NKAIN2: variants seen among roughly 807,000 people sequenced by gnomAD.
NKAIN2 encodes the protein sodium/potassium-transporting ATPase subunit beta-1-interacting protein 2.
In NKAIN2, 14 loss-of-function variants were observed where a neutral mutation model predicts 32.6. The observed-to-expected ratio is 0.43, with a 90% CI of 0.28 to 0.67. The LOEUF is 0.67. NKAIN2 is among the 30% of genes least tolerant of loss of function. The pLI, the probability that NKAIN2 is intolerant of heterozygous loss-of-function variation, is 0.17. For missense variants in NKAIN2, 198 were observed against 258.3 expected, an observed-to-expected ratio of 0.77 and a Z score of 1.60; for synonymous variants, 80 against 87.2, an observed-to-expected ratio of 0.92 and a Z score of 0.46.
intron 1 of NKAIN2, among the ~76,000 whole-genome samples, chr6:124,257,102 T>G (rs1252249260): frequency 6.6e-6 from 1 of 152,022 alleles, no homozygotes; most frequent in African/African-American, 2.4e-5. Flanking sequence ...TTTCTACACC[T>G]CTAATCAGAC....
chr6:123,969,627 A>C (rs1778248442), intron 1 of NKAIN2, among the ~76,000 whole-genome samples: 1 of 152,206 alleles, frequency 6.6e-6, no homozygotes, highest in Non-Finnish European at 1.5e-5. Context: ...GGAATGGAGA[A>C]GAGAGTTGCA....
At chr6:124,679,317 C>T (rs896941233) in intron 4 of NKAIN2, among the ~76,000 whole-genome samples, 34 of 151,966 alleles carry the variant, frequency 2.2e-4, no homozygotes, top group Non-Finnish European at 3.1e-4. Context: ...TTTTCAGTGA[C>T]GCTCAAATTG....
At chr6:124,456,991 A>G (rs941464574) in intron 3 of NKAIN2, among the ~76,000 whole-genome samples, 1 of 151,800 alleles carries the variant, frequency 6.6e-6, no homozygotes, top group African/African-American at 2.4e-5. Context: ...AAGCGTTTAG[A>G]AAGGTTCTTG....
intron 3 of NKAIN2, among the ~76,000 whole-genome samples, chr6:124,444,286 T>A (rs984672444): frequency 1.2e-4 from 19 of 152,016 alleles, no homozygotes; most frequent in Admixed American, 6.6e-5. Flanking sequence ...CCCTTACAAC[T>A]TCAAAAAAAT....
At chr6:124,120,831 A>T (rs1466698463) in intron 1 of NKAIN2, among the ~76,000 whole-genome samples, 1 of 152,154 alleles carries the variant, frequency 6.6e-6, no homozygotes, top group Non-Finnish European at 1.5e-5. Flanking sequence ...TGGCTGGCTA[A>T]TTCAGTAGAT....
At chr6:124,013,822 G>A (rs1479175510) in intron 1 of NKAIN2, among the ~76,000 whole-genome samples, 1 of 152,196 alleles carries the variant, frequency 6.6e-6, no homozygotes, top group East Asian at 1.9e-4. Flanking sequence ...TTAGAGAGAT[G>A]TGGCCTTTCT....
intron 1 of NKAIN2, among the ~76,000 whole-genome samples, chr6:124,044,090 T>C (rs1428256216): frequency 1.3e-5 from 2 of 152,038 alleles, no homozygotes; most frequent in Admixed American, 1.3e-4. Context: ...CTTTTTCAGC[T>C]ACTGTAAACT....
intron 1 of NKAIN2, among the ~76,000 whole-genome samples, chr6:123,806,475 C>A (rs138096353): frequency 2.0e-5 from 3 of 151,936 alleles, no homozygotes; most frequent in African/African-American, 7.2e-5. Context: ...TTTGGAAATA[C>A]GGTATTTGAT....
chr6:124,534,159 G>A (rs1274653718), intron 3 of NKAIN2, among the ~76,000 whole-genome samples: 3 of 151,368 alleles, frequency 2.0e-5, no homozygotes, highest in African/African-American at 7.3e-5. Flanking sequence ...TCCTTTTTTG[G>A]GGGGCATTGG....
chr6:124,037,251 A>G (rs1781644661), intron 1 of NKAIN2, among the ~76,000 whole-genome samples: 1 of 152,154 alleles, frequency 6.6e-6, no homozygotes, highest in African/African-American at 2.4e-5. Context: ...TAAAATTTAG[A>G]AGATTTGGAA....
intron 3 of NKAIN2, among the ~76,000 whole-genome samples, chr6:124,549,672 T>G (rs980740811): frequency 6.6e-6 from 1 of 152,226 alleles, no homozygotes; most frequent in Non-Finnish European, 1.5e-5. Flanking sequence ...AGGTTTTCAG[T>G]CTTTCCTTGC....
chr6:124,799,761 G>T (rs1780171049), intron 5 of NKAIN2, among the ~76,000 whole-genome samples: 1 of 152,176 alleles, frequency 6.6e-6, no homozygotes, highest in Admixed American at 6.5e-5. Flanking sequence ...TAATAAGAAA[G>T]AAACCATGTG....
intron 1 of NKAIN2, among the ~76,000 whole-genome samples, chr6:124,097,738 G>A (rs367545389): frequency 4.0e-4 from 61 of 152,286 alleles, no homozygotes; most frequent in African/African-American, 1.4e-3. Flanking sequence ...TAAATTGGCT[G>A]TTATGAATTT....
intron 2 of NKAIN2, among the ~76,000 whole-genome samples, chr6:124,309,182 C>T (rs1796622340): frequency 6.6e-6 from 1 of 152,136 alleles, no homozygotes. Flanking sequence ...ATTTGGGAGT[C>T]CTCAAATCCA....
At chr6:124,288,920 A>G (rs1795681186) in intron 2 of NKAIN2, among the ~76,000 whole-genome samples, 1 of 152,140 alleles carries the variant, frequency 6.6e-6, no homozygotes. Context: ...TTAGACTACA[A>G]TAACTAATTC....
intron 4 of NKAIN2, among the ~76,000 whole-genome samples, chr6:124,665,643 T>C (rs1583609376): frequency 1.3e-5 from 2 of 152,288 alleles, no homozygotes; most frequent in South Asian, 2.1e-4. Context: ...TCATCAGAAA[T>C]ATTAGTGCCT....
intron 2 of NKAIN2, among the ~76,000 whole-genome samples, chr6:124,316,599 G>A (rs867348145): frequency 6.6e-6 from 1 of 152,146 alleles, no homozygotes; most frequent in African/African-American, 2.4e-5. Context: ...AAGTTGAAAA[G>A]AGGGACATTG....
At chr6:124,724,944 C>G (rs78727143) in intron 4 of NKAIN2, among the ~76,000 whole-genome samples, 1 of 152,180 alleles carries the variant, frequency 6.6e-6, no homozygotes, top group Admixed American at 6.5e-5. Flanking sequence ...CTTTTAATCA[C>G]TATTTTATCC....
intron 6 of NKAIN2, among the ~76,000 whole-genome samples, chr6:124,818,801 T>C (rs1280959361): frequency 1.3e-5 from 2 of 152,132 alleles, no homozygotes. Flanking sequence ...CAGTTATATA[T>C]AATTATATAT....
Sources: gnomAD v4.1 joint callset for allele counts (sites outside exome capture counted in the v4.1 genomes callset) on GRCh38, gnomAD v4.1.1 for gene constraint, MANE v1.5 for transcripts, NCBI Gene and HGNC (gene_info 2026-07-23, HGNC 2026-07-21) for gene names.